Variants in CHRM2 observed in about 807,000 individuals in gnomAD.
CHRM2 encodes the protein cholinergic receptor muscarinic 2.
A neutral mutation model predicts 25.0 loss-of-function variants in CHRM2; 8 were observed. The observed-to-expected ratio is 0.32, with a 90% CI of 0.19 to 0.58. CHRM2 has a LOEUF of 0.58. CHRM2 is among the 20% of genes least tolerant of loss of function. CHRM2 has a pLI of 0.88. For synonymous variants in CHRM2, 202 were observed against 205.7 expected (o/e 0.98, Z 0.15); for missense variants, 440 against 567.1 (o/e 0.78, Z 2.28).
chr7:137,016,013 A>G lies in CHRM2; in HGVS notation c.1148A>G (p.Lys383Arg), dbSNP rs141243227. The G allele has an allele frequency of 1.9e-6, 3 of 1,613,020 alleles. No homozygotes were observed. The highest frequency in any genetic ancestry group is 2.5e-6 in the Non-Finnish European group (3 of 1,179,458). ...AAGAAGCCTCCTCCTTCCCGGGAAA[A>G]GAAAGTCACCAGGACAATCTTGGCT... is the stretch of plus-strand genomic sequence containing the variant. ...AKKKPPPSRE[K>R]KVTRTILAIL... Residue 383 changes from lysine to arginine, a missense_variant, in exon 4 of 4, where the codon AAG (lysine) becomes AGG (arginine). Physicochemically the swap from Lys to Arg is conservative, Grantham distance 26. Coordinates refer to ENST00000680005, the MANE Select transcript of CHRM2 (RefSeq NM_001006630.2).
At chr7:136,914,676 G>A (rs2130702103) in intron 2 of CHRM2, among the ~76,000 whole-genome samples, 1 of 152,008 alleles carries the variant, frequency 6.6e-6, no homozygotes, top group African/African-American at 2.4e-5. Context: ...ATGTTGGATA[G>A]TTCTAAAAAG....
intron 2 of CHRM2, among the ~76,000 whole-genome samples, chr7:136,910,396 A>G (rs1305580501): frequency 6.6e-6 from 1 of 151,848 alleles, no homozygotes; most frequent in African/African-American, 2.4e-5. Context: ...TTATTGTAGC[A>G]ATAAGATGGG....
chr7:136,923,824 C>A (rs116458246), intron 2 of CHRM2, among the ~76,000 whole-genome samples: 1,899 of 152,018 alleles, frequency 0.012, 35 homozygotes, highest in African/African-American at 0.044. Flanking sequence ...GCCTGGGCAA[C>A]CAGGCAAGAG....
intron 2 of CHRM2, among the ~76,000 whole-genome samples, chr7:136,932,034 A>G (rs1799136491): frequency 6.6e-6 from 1 of 152,178 alleles, no homozygotes; most frequent in Non-Finnish European, 1.5e-5. Flanking sequence ...CTCTCTCTGT[A>G]CCTATTTTAT....
chr7:136,887,860 C>T lies in CHRM2; in HGVS notation c.-125+18442C>T, dbSNP rs1796529151. ...TGTGATCAAATGTGTCCCCATTTTACATTTGAAGAAACAGATGTGAAGAGA... is the reference window on the plus strand; with the variant it reads ...TGTGATCAAATGTGTCCCCATTTTATATTTGAAGAAACAGATGTGAAGAGA... On this transcript the variant is annotated intron_variant, in intron 2 of 3. Coordinates refer to ENST00000680005, the MANE Select transcript of CHRM2 (RefSeq NM_001006630.2). Among the ~76,000 whole-genome samples, 5 of 152,202 alleles carry T rather than the reference C, an allele frequency of 3.3e-5. No homozygotes were observed. The South Asian group carries it at 1.0e-3, about 32-fold the overall frequency.
intron 2 of CHRM2, among the ~76,000 whole-genome samples, chr7:136,987,472 C>T (rs1160881200): frequency 6.6e-6 from 1 of 152,200 alleles, no homozygotes; most frequent in African/African-American, 2.4e-5. Flanking sequence ...AAATTTCTGT[C>T]AAAGCTATGC....
At chr7:136,985,413 G>A (rs376472205) in intron 2 of CHRM2, among the ~76,000 whole-genome samples, 3 of 151,018 alleles carry the variant, frequency 2.0e-5, no homozygotes, top group East Asian at 3.9e-4. Flanking sequence ...AGGAGGCTGC[G>A]GTAGGAGAAT....
chr7:136,922,689 A>G (rs1457407096), intron 2 of CHRM2, among the ~76,000 whole-genome samples: 2 of 152,106 alleles, frequency 1.3e-5, no homozygotes. Context: ...CTTTTAATTG[A>G]TGAATTGGAG....
intron 3 of CHRM2, among the ~76,000 whole-genome samples, chr7:137,005,552 T>C (rs1049105916): frequency 6.6e-5 from 10 of 152,082 alleles, no homozygotes; most frequent in African/African-American, 2.2e-4. Context: ...CCTCTTTATC[T>C]TCTCTCTTCT....
chr7:136,870,273 C>G (rs1441896766), intron 2 of CHRM2: 1 of 152,262 alleles, frequency 6.6e-6, no homozygotes, highest in Non-Finnish European at 1.5e-5. Context: ...CCCTTGGAGT[C>G]CGCACCTGAG....
intron 3 of CHRM2, among the ~76,000 whole-genome samples, chr7:137,013,897 T>C (rs997316169): frequency 1.2e-4 from 18 of 152,042 alleles, no homozygotes; most frequent in African/African-American, 4.1e-4. Context: ...CTGAACAAAC[T>C]GGGATTTCAT....
intron 2 of CHRM2, among the ~76,000 whole-genome samples, chr7:136,965,980 TTCCCTTTAGAATATGCTATA>T (rs752816120): frequency 5.3e-5 from 8 of 152,014 alleles, no homozygotes; most frequent in Non-Finnish European, 1.0e-4. Context: ...CCTAGAGCTC[TTCCCTTTAGAATATGCTATA>T]ATATTAACCA....
intron 2 of CHRM2, among the ~76,000 whole-genome samples, chr7:136,924,212 TA>T (rs1005314235): frequency 1.7e-4 from 26 of 152,210 alleles, no homozygotes; most frequent in African/African-American, 5.8e-4. Flanking sequence ...CAGTTGTATG[TA>T]TTTTTTTTAT....
At chr7:136,876,023 G>T (rs1226416767) in intron 2 of CHRM2, among the ~76,000 whole-genome samples, 1 of 152,070 alleles carries the variant, frequency 6.6e-6, no homozygotes, top group East Asian at 1.9e-4. Flanking sequence ...GATATAATAT[G>T]ATGAAGTTAA....
At chr7:136,897,789 G>C (rs1159878336) in intron 2 of CHRM2, among the ~76,000 whole-genome samples, 1 of 151,766 alleles carries the variant, frequency 6.6e-6, no homozygotes, top group Non-Finnish European at 1.5e-5. Flanking sequence ...TTTTGTGTAA[G>C]TCTAATCATT....
chr7:136,983,485 G>A (rs557059193), intron 2 of CHRM2, among the ~76,000 whole-genome samples: 2 of 152,264 alleles, frequency 1.3e-5, no homozygotes, highest in East Asian at 3.9e-4. Context: ...CTGGTGAGGA[G>A]TTGTGATCCT....
At chr7:136,977,493 A>G (rs754845515) in intron 2 of CHRM2, among the ~76,000 whole-genome samples, 2 of 152,184 alleles carry the variant, frequency 1.3e-5, no homozygotes, top group East Asian at 1.9e-4. Context: ...AAAGAAATGA[A>G]TAAGTTGCAA....
At chr7:137,003,345 G>C (rs776188658) in intron 3 of CHRM2, among the ~76,000 whole-genome samples, 13 of 152,066 alleles carry the variant, frequency 8.5e-5, no homozygotes, top group Non-Finnish European at 1.8e-4. Context: ...ACATTCCACT[G>C]ATGCTTTATG....
chr7:136,942,896 G>A (rs540916282), intron 2 of CHRM2, among the ~76,000 whole-genome samples: 7 of 150,924 alleles, frequency 4.6e-5, no homozygotes, highest in Middle Eastern at 3.4e-3. Flanking sequence ...TTTGTCCTTC[G>A]TATTATTTTC....
Sources: allele counts gnomAD v4.1 joint callset (sites outside exome capture counted in the v4.1 genomes callset), GRCh38; gene constraint gnomAD v4.1.1; transcripts MANE v1.5; gene names NCBI Gene and HGNC (gene_info 2026-07-23, HGNC 2026-07-21).